The following CPNE4 variants were observed in gnomAD, a reference collection of about 807,000 sequenced individuals.
CPNE4 encodes copine 4.
CPNE4 carries 25 observed loss-of-function variants against 67.9 expected under a neutral mutation model. That is an observed-to-expected ratio of 0.37 (90% CI 0.27 to 0.51). The LOEUF (loss-of-function observed/expected upper bound fraction) is 0.51. CPNE4 is among the 20% of genes least tolerant of loss of function. The probability of loss-of-function intolerance (pLI) is 0.93; values close to 1 mark genes in which losing one functional copy is unlikely to be tolerated. For synonymous variants in CPNE4, 242 were observed against 244.9 expected (o/e 0.99, Z 0.11); for missense variants, 464 against 690.8 (o/e 0.67, Z 3.68).
chr3:131,878,585 T>C (rs2087544826), intron 2 of CPNE4, among the ~76,000 whole-genome samples: 1 of 152,208 alleles, frequency 6.6e-6, no homozygotes, highest in South Asian at 2.1e-4. Context: ...TTTATTTAGC[T>C]ATACAGTTAG....
chr3:131,812,458 G>A (rs1314591913), intron 2 of CPNE4, among the ~76,000 whole-genome samples: 1 of 152,166 alleles, frequency 6.6e-6, no homozygotes, highest in East Asian at 1.9e-4. Context: ...CAAAAACAAA[G>A]ATATTGGAGC....
chr3:131,998,007 C>T (rs2073339109), intron 1 of CPNE4, among the ~76,000 whole-genome samples: 2 of 152,124 alleles, frequency 1.3e-5, no homozygotes, highest in South Asian at 2.1e-4. Context: ...GCCCCACCTC[C>T]CAACACTGTT....
At chr3:131,799,788 G>A (rs1407570662) in intron 2 of CPNE4, among the ~76,000 whole-genome samples, 1 of 152,060 alleles carries the variant, frequency 6.6e-6, no homozygotes, top group Non-Finnish European at 1.5e-5. Flanking sequence ...GTAACGAAGT[G>A]GCCAATGCCA....
At chr3:131,947,857 T>A (rs925535632) in intron 1 of CPNE4, among the ~76,000 whole-genome samples, 1 of 152,208 alleles carries the variant, frequency 6.6e-6, no homozygotes, top group African/African-American at 2.4e-5. Context: ...CCATCAACAG[T>A]GTAAAAGTGT....
At chr3:131,850,864 T>TACA (rs1337415929) in intron 2 of CPNE4, among the ~76,000 whole-genome samples, 1 of 152,078 alleles carries the variant, frequency 6.6e-6, no homozygotes, top group Admixed American at 6.6e-5. Context: ...AGAGTGGGAA[T>TACA]TCAAACCTGG....
chr3:131,946,604 G>T (rs898833690), intron 1 of CPNE4, among the ~76,000 whole-genome samples: 27 of 152,076 alleles, frequency 1.8e-4, no homozygotes, highest in African/African-American at 6.3e-4. Context: ...TTAAATTTTT[G>T]TTGTTGAGTT....
At chr3:131,677,847 G>C (rs1228949716) in intron 6 of CPNE4, among the ~76,000 whole-genome samples, 2 of 152,130 alleles carry the variant, frequency 1.3e-5, no homozygotes, top group Non-Finnish European at 2.9e-5. Context: ...ATGTAATATA[G>C]TTTGAAATCA....
intron 1 of CPNE4, among the ~76,000 whole-genome samples, chr3:131,970,117 C>T (rs1240723421): frequency 1.3e-5 from 2 of 152,136 alleles, no homozygotes; most frequent in African/African-American, 2.4e-5. Flanking sequence ...AATGGAAATA[C>T]GAGTCATCTG....
chr3:131,893,411 G>T (rs1250236396), intron 2 of CPNE4, among the ~76,000 whole-genome samples: 1 of 152,040 alleles, frequency 6.6e-6, no homozygotes, highest in Non-Finnish European at 1.5e-5. Context: ...ATAATGTACA[G>T]GTCATCGAGA....
rs1437009795 is a variant in CPNE4 at position 131,978,087 on chromosome 3, A to C, written c.-2+56480T>G. 1.6e-4 allele frequency among the ~76,000 whole-genome samples: 5 copies of C among 32,216 alleles called. 1 individual carries two copies. The highest frequency in any genetic ancestry group is 2.0e-4 in the African/African-American group (1 of 4,902). 21.1% of individuals were successfully genotyped at this position (32,216 alleles called of 152,430 possible). On this transcript the variant is annotated intron_variant, in intron 1 of 15. Transcript: ENST00000429747. ...TATATAAATATATATAAATATATAT[A>C]AATATATATATAAATATATATAAAA...
At chr3:131,742,239 C>A (rs1297700075) in intron 2 of CPNE4, among the ~76,000 whole-genome samples, 1 of 152,158 alleles carries the variant, frequency 6.6e-6, no homozygotes, top group Non-Finnish European at 1.5e-5. Flanking sequence ...CTGAATACAA[C>A]AATAAGGCTG....
At chr3:131,994,624 T>C (rs2073243404) in intron 1 of CPNE4, among the ~76,000 whole-genome samples, 1 of 152,228 alleles carries the variant, frequency 6.6e-6, no homozygotes, top group Admixed American at 6.5e-5. Flanking sequence ...TGTGTATTTC[T>C]TTGGGAGAAC....
chr3:131,812,386 T>G (rs1415131947), intron 2 of CPNE4, among the ~76,000 whole-genome samples: 1 of 152,072 alleles, frequency 6.6e-6, no homozygotes, highest in Non-Finnish European at 1.5e-5. Context: ...GACAAATATT[T>G]AGCACAGTAT....
At chr3:131,830,230 A>G (rs571392830) in intron 2 of CPNE4, among the ~76,000 whole-genome samples, 1 of 152,242 alleles carries the variant, frequency 6.6e-6, no homozygotes, top group African/African-American at 2.4e-5. Flanking sequence ...GAAATTGTTT[A>G]TCTATAAAAT....
intron 2 of CPNE4, among the ~76,000 whole-genome samples, chr3:131,738,254 C>A (rs938780273): frequency 2.6e-5 from 4 of 152,254 alleles, no homozygotes; most frequent in Admixed American, 1.3e-4. Flanking sequence ...ATATACAGCA[C>A]ATGTGACAAA....
rs533069889 is a variant in CPNE4, at chr3:131,575,195, G to A, written c.868-65C>T. 29 of 1,412,692 alleles carry A rather than the reference G, an allele frequency of 2.1e-5. No homozygotes were observed. In the African/African-American group the frequency reaches 4.1e-4, roughly 20 times the overall value. The allele number at this position is 1,412,692 out of a possible 1,614,324, so 87.5% of individuals were successfully genotyped here. A position where few individuals can be genotyped will look rare whatever the true frequency, so the allele number is the denominator to read the frequency against. ...CAGTCTATTTCCTGATATATTGGAG[G>A]CCTAAAGGTTGGTGACTGATAAGCT... On this transcript the variant is annotated intron_variant, in intron 9 of 15. Coordinates refer to ENST00000429747, the MANE Select transcript of CPNE4 (RefSeq NM_130808.3).
intron 2 of CPNE4, among the ~76,000 whole-genome samples, chr3:131,769,114 T>C (rs2083099118): frequency 6.6e-6 from 1 of 152,190 alleles, no homozygotes; most frequent in African/African-American, 2.4e-5. Flanking sequence ...TTTCCCTTGC[T>C]TATGGATTCC....
At chr3:131,918,490 A>G (rs1189432726) in intron 1 of CPNE4, among the ~76,000 whole-genome samples, 1 of 152,198 alleles carries the variant, frequency 6.6e-6, no homozygotes, top group Non-Finnish European at 1.5e-5. Context: ...GAAAAGATTA[A>G]GTTTGCTTGT....
intron 1 of CPNE4, among the ~76,000 whole-genome samples, chr3:132,033,491 C>G (rs1333766271): frequency 6.6e-6 from 1 of 152,004 alleles, no homozygotes; most frequent in South Asian, 2.1e-4. Context: ...GCTTCCCTAG[C>G]CCCCTCCCGC....
Sources: allele counts gnomAD v4.1 joint callset (sites outside exome capture counted in the v4.1 genomes callset), GRCh38; gene constraint gnomAD v4.1.1; transcripts MANE v1.5; gene names NCBI Gene and HGNC (gene_info 2026-07-23, HGNC 2026-07-21).